UNKL: variants seen among roughly 807,000 people sequenced by gnomAD.
UNKL encodes putative E3 ubiquitin-protein ligase UNKL.
A neutral mutation model predicts 78.0 loss-of-function variants in UNKL; 60 were observed. The observed-to-expected ratio is 0.77, with a 90% CI of 0.63 to 0.95. UNKL has a LOEUF of 0.95. UNKL is among the 40% of genes least tolerant of loss of function. UNKL has a pLI of 0.00. For missense variants in UNKL, 1,159 were observed against 1,045.7 expected, an observed-to-expected ratio of 1.11 and a Z score of -1.49; for synonymous variants, 608 against 474.8, an observed-to-expected ratio of 1.28 and a Z score of -3.65.
At chr16:1,414,538 G>T in intron 1 of UNKL, 77 bp downstream of exon 1, 1 of 487,164 alleles carries the variant, frequency 2.1e-6, no homozygotes, top group Non-Finnish European at 2.7e-6. Flanking sequence ...GGGCGGCGGA[G>T]GCGGCGCGAG....
chr16:1,406,742 T>C (rs911247487), intron 2 of UNKL, among the ~76,000 whole-genome samples: 1 of 152,112 alleles, frequency 6.6e-6, no homozygotes, highest in Non-Finnish European at 1.5e-5. Context: ...AAACAGCAAA[T>C]TCTACACACC....
At chr16:1,367,039 A>T in intron 14 of UNKL, 53 bp downstream of exon 14, 1 of 1,467,550 alleles carries the variant, frequency 6.8e-7, no homozygotes, top group Non-Finnish European at 9.0e-7. Context: ...CCAGACAGGG[A>T]CAGCAGCCCT....
intron 14 of UNKL, 132 bp downstream of exon 14, chr16:1,366,960 T>G (rs1894741601): frequency 7.1e-7 from 1 of 1,415,320 alleles, no homozygotes; most frequent in Non-Finnish European, 9.2e-7. Context: ...CACCGTCTCC[T>G]CCTCCCTAGG....
rs2141959047 is a variant in UNKL, at chr16:1,370,224, C to T, written c.1491G>A (p.Val497=). 2.0e-6 allele frequency: 3 copies of T among 1,530,964 alleles called. No individual in the cohort carries two copies. Among genetic ancestry groups the T allele is most frequent in the South Asian group, 1.2e-5 (1 of 83,524 alleles). The allele number at this position is 1,530,964 out of a possible 1,614,324, so 94.8% of individuals were successfully genotyped here. A position where few individuals can be genotyped will look rare whatever the true frequency, so the allele number is the denominator to read the frequency against. Residue 497 remains valine (V), a synonymous_variant, in exon 12 of 15, where the codon GTG becomes GTA. Transcript: ENST00000389221. ...GSLSQPLPGP[V]GSSAMTPPQQ... ...GGGGAGGCGTCATGGCTGAGGAGCCCACCGGCCCTGGGAGGGGCTGGGACA... is the reference window on the plus strand; with the variant it reads ...GGGGAGGCGTCATGGCTGAGGAGCCTACCGGCCCTGGGAGGGGCTGGGACA...
intron 10 of UNKL, 73 bp downstream of exon 10, chr16:1,385,135 G>A: frequency 1.8e-6 from 2 of 1,106,380 alleles, no homozygotes; most frequent in South Asian, 4.1e-5. Context: ...TGAAATAGAA[G>A]CGCTGTCCCT....
intron 10 of UNKL, among the ~76,000 whole-genome samples, chr16:1,382,417 A>G (rs1384563672): frequency 6.6e-6 from 1 of 152,228 alleles, no homozygotes; most frequent in East Asian, 1.9e-4. Flanking sequence ...CCAGCCAGTG[A>G]GGACGAAACA....
intron 12 of UNKL, among the ~76,000 whole-genome samples, chr16:1,368,627 A>AC (rs1555453935): frequency 2.7e-5 from 4 of 146,968 alleles, no homozygotes; most frequent in South Asian, 4.3e-4. Flanking sequence ...AAAAAAAAAA[A>AC]AAAAAAAACA....
intron 9 of UNKL, among the ~76,000 whole-genome samples, chr16:1,390,268 G>T (rs947784355): frequency 6.6e-6 from 1 of 152,190 alleles, no homozygotes; most frequent in East Asian, 1.9e-4. Flanking sequence ...TTACAGGTGT[G>T]AGCCACCGTG....
At chr16:1,367,424 G>T (rs1444366410) in intron 13 of UNKL, 75 bp from the exon 14 acceptor site, 1 of 1,468,028 alleles carries the variant, frequency 6.8e-7, no homozygotes, top group East Asian at 2.5e-5. Context: ...TGTGTCACCA[G>T]CGATCCTCCC....
rs1054429736 is a variant in UNKL at position 1,385,474 on chromosome 16, C to A, written c.1087-89G>T. 4.9e-6 allele frequency: 6 copies of A among 1,234,742 alleles called. 1 individual carries two copies. The East Asian group carries it at 9.8e-5, about 20-fold the overall frequency. The allele number at this position is 1,234,742 out of a possible 1,614,324, so 76.5% of individuals were successfully genotyped here. A position where few individuals can be genotyped will look rare whatever the true frequency, so the allele number is the denominator to read the frequency against. On this transcript the variant is annotated intron_variant, in intron 9 of 14. Coordinates refer to ENST00000389221, the MANE Select transcript of UNKL (RefSeq NM_001372107.1). Reference sequence around the variant, plus strand: ...GCACCCTGCAGAAAGCACCGCGGGACGGCGGCCAACTTCTACGCCCTGGCG... The same window carrying A: ...GCACCCTGCAGAAAGCACCGCGGGAAGGCGGCCAACTTCTACGCCCTGGCG...
chr16:1,398,578 G>C (rs1416704425), intron 5 of UNKL: 7 of 1,401,518 alleles, frequency 5.0e-6, no homozygotes, highest in Non-Finnish European at 6.5e-6. Flanking sequence ...TCATTCAAAA[G>C]AGGCGAGGGT....
Position 1,385,374 on chromosome 16 carries a change from G to A in UNKL, c.1098C>T (p.Ala366=), listed in dbSNP as rs1222568979. ...CCGGCGGGTGGACCGCTGCAAACAC[G>A]GCCAGGTGGTTCTGTTCAAAGACAT... is the stretch of plus-strand genomic sequence containing the variant. ...SEQDSKQNHL[A]VFAAVHPPAP... Residue 366 remains alanine, a synonymous_variant, in exon 10 of 15, where the codon GCC becomes GCT. Coordinates refer to ENST00000389221, the MANE Select transcript of UNKL (RefSeq NM_001372107.1). 26 of 1,398,256 alleles carry A rather than the reference G, an allele frequency of 1.9e-5. No homozygotes were observed. The East Asian group carries it at 4.8e-4, about 26-fold the overall frequency. The allele number at this position is 1,398,256 out of a possible 1,614,324, so 86.6% of individuals were successfully genotyped here.
chr16:1,411,527 G>A (rs951535088), intron 2 of UNKL, among the ~76,000 whole-genome samples: 1 of 151,118 alleles, frequency 6.6e-6, no homozygotes, highest in African/African-American at 2.4e-5. Flanking sequence ...GCAAGACCCT[G>A]TCTCAAAAAA....
At chr16:1,408,273 A>C (rs62011313) in intron 2 of UNKL, among the ~76,000 whole-genome samples, 4 of 145,502 alleles carry the variant, frequency 2.7e-5, no homozygotes, top group Admixed American at 2.0e-4. Flanking sequence ...CCCCCCCCCA[A>C]CGACCAGGAC....
Position 1,405,752 on chromosome 16 carries a change from G to A in UNKL, c.288-2408C>T, listed in dbSNP as rs146207456. 4.6e-5 allele frequency among the ~76,000 whole-genome samples: 7 copies of A among 151,860 alleles called. No individual in the cohort carries two copies. The South Asian group carries it at 8.3e-4, about 18-fold the overall frequency. On this transcript the variant is annotated intron_variant, in intron 2 of 14. Transcript: ENST00000389221. ...ACAAACACGGTTCTCAAACTCATCC[G>A]AGACAATCAGTGAGCAGAGCCACGT... is the stretch of plus-strand genomic sequence containing the variant.
At chr16:1,376,104 C>T (rs1477357183) in intron 10 of UNKL, among the ~76,000 whole-genome samples, 1 of 149,110 alleles carries the variant, frequency 6.7e-6, no homozygotes, top group Non-Finnish European at 1.5e-5. Flanking sequence ...CCTCCTCCCT[C>T]ACTCCAAGGC....
At position 1,387,139 on chromosome 16, in the gene UNKL, C is replaced by T. The variant is rs1403384070; in HGVS notation, c.1087-1754G>A. Among the ~76,000 whole-genome samples, 1 of 151,998 alleles carries T rather than the reference C, an allele frequency of 6.6e-6. No individual in the cohort carries two copies. Among genetic ancestry groups the T allele is most frequent in the Non-Finnish European group, 1.5e-5 (1 of 67,964 alleles). ...AGCACCGGGGACCCTCCCAGCCATG[C>T]AGCACCGGGGACCCTCCCAGCCATG... On this transcript the variant is annotated intron_variant, in intron 9 of 14. Transcript: ENST00000389221. This position sits in a 1 kb window ranked among gnomAD's most constrained non-coding sequence, Gnocchi z 4.1.
intron 12 of UNKL, among the ~76,000 whole-genome samples, chr16:1,368,567 AGT>A (rs1368757827): frequency 2.0e-4 from 25 of 122,794 alleles, no homozygotes; most frequent in African/African-American, 7.0e-4. Flanking sequence ...GCGCCACTGC[AGT>A]CCGCAGTCCG....
intron 6 of UNKL, among the ~76,000 whole-genome samples, chr16:1,394,750 G>A (rs919875264): frequency 9.2e-5 from 14 of 152,128 alleles, no homozygotes; most frequent in South Asian, 2.1e-4. Flanking sequence ...CACCTGGCAC[G>A]CCAGGCCTCC....
Sources: allele counts gnomAD v4.1 joint callset (sites outside exome capture counted in the v4.1 genomes callset), GRCh38; gene constraint gnomAD v4.1.1; non-coding constraint Gnocchi (gnomAD v3.1); transcripts MANE v1.5; gene names NCBI Gene and HGNC (gene_info 2026-07-23, HGNC 2026-07-21).